Variants in ZNF90 observed in about 807,000 individuals in gnomAD.
ZNF90 encodes zinc finger protein 90.
ZNF90 carries 11 observed loss-of-function variants against 12.0 expected under a neutral mutation model. That is an observed-to-expected ratio of 0.92 (90% confidence interval 0.58 to 1.52). ZNF90 has a LOEUF of 1.52. Among genes scored for constraint, ZNF90 ranks in the 40% most tolerant of loss-of-function variants. The pLI is 0.00. For missense variants in ZNF90, 765 were observed against 711.5 expected (o/e 1.08, Z -0.86); for synonymous variants, 232 against 240.1 (o/e 0.97, Z 0.31).
rs1259714132 is a variant in ZNF90 at position 20,090,787 on chromosome 19, G to C, written c.3+12652G>C. ...GTCCATATAAAAGTTCAAATGGACTGTACCCTGTAGCATCTCGAGGACAGG... is the reference window on the plus strand; with the variant it reads ...GTCCATATAAAAGTTCAAATGGACTCTACCCTGTAGCATCTCGAGGACAGG... On this transcript the variant is annotated intron_variant, in intron 1 of 3. Transcript: ENST00000418063. Among the ~76,000 whole-genome samples, 5 of 152,224 alleles carry C rather than the reference G, an allele frequency of 3.3e-5. No homozygotes were observed. The East Asian group carries it at 9.6e-4, about 29-fold the overall frequency.
chr19:20,108,339 ACT>A (rs564787129), intron 3 of ZNF90, among the ~76,000 whole-genome samples: 150 of 152,156 alleles, frequency 9.9e-4, no homozygotes, highest in Middle Eastern at 3.4e-3. Context: ...AGAAGTAGTT[ACT>A]CTCTCTCACC....
Position 20,119,337 on chromosome 19 carries a change from G to A in ZNF90, c.1783G>A (p.Val595Met), listed in dbSNP as rs1189666135. ...TCATATTGGACAGAAAGCCTACATA[G>A]TGAAGAACATGGCAAATCTTTGAAA... Reference protein sequence around the residue: ...RIHIGQKAYIVKNMANL With the variant: ...RIHIGQKAYIMKNMANL The change falls in exon 4 of 4, where the codon GTG (valine) becomes ATG (methionine). Residue 595 changes from valine (V) to methionine (M), a missense_variant. By Grantham distance (21) the Val-to-Met change is conservative. Transcript: ENST00000418063. 6.3e-7 allele frequency: 1 copy of A among 1,594,670 alleles called. No individual in the cohort carries two copies. The highest frequency in any genetic ancestry group is 1.1e-5 in the South Asian group (1 of 89,036).
intron 3 of ZNF90, among the ~76,000 whole-genome samples, chr19:20,107,598 A>G (rs913446909): frequency 7.2e-5 from 11 of 152,230 alleles, no homozygotes; most frequent in African/African-American, 2.4e-4. Flanking sequence ...GGTGTGAACC[A>G]TAATACCTTT....
intron 1 of ZNF90, among the ~76,000 whole-genome samples, chr19:20,101,867 A>G (rs185513418): frequency 6.6e-6 from 1 of 152,314 alleles, no homozygotes; most frequent in East Asian, 1.9e-4. Flanking sequence ...AAAACTTTAC[A>G]TCTGTACATG....
chr19:20,121,133 AT>A lies in ZNF90; in HGVS notation c.*1777del, dbSNP rs2089191316. 3 of 196,794 alleles carry A rather than the reference AT, an allele frequency of 1.5e-5. No homozygotes were observed. The Admixed American group carries it at 1.7e-4, about 11-fold the overall frequency. 12.2% of individuals were successfully genotyped at this position (196,794 alleles called of 1,614,324 possible). On this transcript the variant is annotated 3_prime_UTR_variant, in exon 4 of 4. Transcript: ENST00000418063. ...ATTAAATTACTGTATTATTTTACTA[AT>A]TTTATGTAATAAAATACACTACATT...
At chr19:20,078,851 G>A (rs1263669723) in intron 1 of ZNF90, among the ~76,000 whole-genome samples, 3 of 152,024 alleles carry the variant, frequency 2.0e-5, no homozygotes, top group East Asian at 3.9e-4. Flanking sequence ...GGCCAGGCGC[G>A]GTGGCTCCTG....
At chr19:20,093,711 C>T (rs572838986) in intron 1 of ZNF90, among the ~76,000 whole-genome samples, 1 of 152,006 alleles carries the variant, frequency 6.6e-6, no homozygotes, top group African/African-American at 2.4e-5. Flanking sequence ...TCAATACTCA[C>T]AACAGTTATG....
chr19:20,118,837 A>C lies in ZNF90; in HGVS notation c.1283A>C (p.Gln428Pro). 6.2e-7 allele frequency: 1 copy of C among 1,605,054 alleles called. No homozygotes were observed. Among genetic ancestry groups the C allele is most frequent in the South Asian group, 1.1e-5 (1 of 90,100 alleles). ...ACTGAAGAGAAACCCTACAAATGTC[A>C]AGAATGTGACAAAGTCTTCAAACGC... is the stretch of plus-strand genomic sequence containing the variant. ...SHTEEKPYKC[Q>P]ECDKVFKRSS... Residue 428 changes from glutamine to proline, a missense_variant, in exon 4 of 4, where the codon CAA (glutamine) becomes CCA (proline). Physicochemically the swap from Gln to Pro is moderately conservative, Grantham distance 76. Coordinates refer to ENST00000418063, the MANE Select transcript of ZNF90 (RefSeq NM_007138.2).
Position 20,118,052 on chromosome 19 carries a change from A to G in ZNF90, c.498A>G (p.Arg166=). The change falls in exon 4 of 4, where the codon AGA becomes AGG. Residue 166 remains arginine, a synonymous_variant. Coordinates refer to ENST00000418063, the MANE Select transcript of ZNF90 (RefSeq NM_007138.2). Reference sequence around the variant, plus strand: ...CAAATTCAAACAGACATAAGATAAGAGATACTGGAAAAAAACCTTTCAAAT... The same window carrying G: ...CAAATTCAAACAGACATAAGATAAGGGATACTGGAAAAAAACCTTTCAAAT... ...IFSNSNRHKI[R]DTGKKPFKCI... is the part of the protein sequence containing the mutation. The G allele has an allele frequency of 6.2e-7, 1 of 1,612,394 alleles. No individual in the cohort carries two copies. The highest frequency in any genetic ancestry group is 8.5e-7 in the Non-Finnish European group (1 of 1,179,022).
rs144386557 is a variant in ZNF90 at position 20,119,113 on chromosome 19, G to A, written c.1559G>A (p.Arg520His). Residue 520 changes from arginine (R) to histidine (H), a missense_variant, in exon 4 of 4, where the codon CGC (arginine) becomes CAC (histidine). By Grantham distance (29) the Arg-to-His change is conservative. Transcript: ENST00000418063. Reference protein sequence around the residue: ...KCEECGKAFKRSSVLSKHKII... With the variant: ...KCEECGKAFKHSSVLSKHKII... ...GAAGAATGTGGCAAAGCCTTCAAGC[G>A]CTCCTCAGTCCTTAGTAAACATAAG... 4.2e-4 allele frequency: 672 copies of A among 1,612,312 alleles called. 4 individuals are homozygous for A. The African/African-American group carries it at 7.7e-3, about 19-fold the overall frequency.
chr19:20,089,733 C>T, intron 1 of ZNF90, among the ~76,000 whole-genome samples: 1 of 152,104 alleles, frequency 6.6e-6, no homozygotes, highest in East Asian at 1.9e-4. Flanking sequence ...ATGAGTTCTT[C>T]AGGAGGGTAA....
intron 1 of ZNF90, among the ~76,000 whole-genome samples, chr19:20,092,727 C>T (rs1555702858): frequency 6.6e-6 from 1 of 152,090 alleles, no homozygotes; most frequent in African/African-American, 2.4e-5. Flanking sequence ...GCAGGGAGAG[C>T]ATGTGTGTTC....
chr19:20,089,583 T>A, intron 1 of ZNF90, among the ~76,000 whole-genome samples: 1 of 152,096 alleles, frequency 6.6e-6, no homozygotes, highest in East Asian at 1.9e-4. Flanking sequence ...GGAATAGTAA[T>A]TTGTGTTGTG....
At chr19:20,082,632 T>A (rs914907534) in intron 1 of ZNF90, among the ~76,000 whole-genome samples, 1 of 152,096 alleles carries the variant, frequency 6.6e-6, no homozygotes, top group Non-Finnish European at 1.5e-5. Flanking sequence ...CAAAACACTG[T>A]GGAAGGCCGC....
chr19:20,082,237 T>G (rs886586103), intron 1 of ZNF90, among the ~76,000 whole-genome samples: 1 of 152,176 alleles, frequency 6.6e-6, no homozygotes, highest in African/African-American at 2.4e-5. Context: ...CTCCACCCTC[T>G]ACTAGGTCTC....
In ZNF90 at chr19:20,104,297, T is replaced by G; in HGVS notation, c.62T>G (p.Leu21Arg). 2 of 1,614,100 alleles carry G rather than the reference T, an allele frequency of 1.2e-6. No individual in the cohort carries two copies. Among genetic ancestry groups the G allele is most frequent in the Non-Finnish European group, 1.7e-6 (2 of 1,179,988 alleles). The change falls in exon 2 of 4, where the codon CTG becomes CGG. Residue 21 changes from leucine to arginine, a missense_variant. Leu to Arg is a moderately radical substitution (Grantham distance 102). Coordinates refer to ENST00000418063, the MANE Select transcript of ZNF90 (RefSeq NM_007138.2). ...IEFSLEEWHC[L>R]DTAQQNLYRD... ...TTCTCTCTGGAGGAGTGGCATTGCC[T>G]GGACACTGCACAGCAGAATTTATAT... is the stretch of plus-strand genomic sequence containing the variant.
Position 20,119,061 on chromosome 19 carries a change from C to G in ZNF90, c.1507C>G (p.His503Asp). The change falls in exon 4 of 4, where the codon CAC becomes GAC. Residue 503 changes from histidine to aspartate, a missense_variant. His to Asp is a moderately conservative substitution (Grantham distance 81). Transcript: ENST00000418063. The part of the protein sequence containing the change: ...SSALSTHKII[H>D]SGENPYKCEE... ...AGCCCTTAGCACACATAAGATAATT[C>G]ACAGTGGAGAGAATCCCTACAAATG... The G allele has an allele frequency of 6.2e-7, 1 of 1,611,006 alleles. No individual in the cohort carries two copies. The highest frequency in any genetic ancestry group is 8.5e-7 in the Non-Finnish European group (1 of 1,178,406).
At chr19:20,114,218 G>T in intron 3 of ZNF90, among the ~76,000 whole-genome samples, 1 of 152,216 alleles carries the variant, frequency 6.6e-6, no homozygotes, top group Non-Finnish European at 1.5e-5. Context: ...TTAAACCCGG[G>T]AAGTGGAGGT....
In ZNF90 at chr19:20,080,306, C is replaced by T; in HGVS notation, c.3+2171C>T. ...TTAGATGTATTGTAGACAACATGGA[C>T]GATCCTTGTTTTACCAGTACAACAC... On this transcript the variant is annotated intron_variant, in intron 1 of 3. Coordinates refer to ENST00000418063, the MANE Select transcript of ZNF90 (RefSeq NM_007138.2). The T allele has an allele frequency of 1.1e-5, 6 of 542,772 alleles. 1 individual carries two copies. The highest frequency in any genetic ancestry group is 1.1e-4 in the Admixed American group (5 of 45,576). 33.6% of individuals were successfully genotyped at this position (542,772 alleles called of 1,614,324 possible).
Sources: allele counts gnomAD v4.1 joint callset (sites outside exome capture counted in the v4.1 genomes callset), GRCh38; gene constraint gnomAD v4.1.1; transcripts MANE v1.5; gene names NCBI Gene and HGNC (gene_info 2026-07-23, HGNC 2026-07-21).